PPP2R5C: variants seen among roughly 807,000 people sequenced by gnomAD.
PPP2R5C encodes the protein protein phosphatase 2 regulatory subunit B'gamma.
PPP2R5C carries 7 observed loss-of-function variants against 68.9 expected under a neutral mutation model. That is an observed-to-expected ratio of 0.10 (90% CI 0.06 to 0.19). PPP2R5C has a LOEUF of 0.19. Ranked by LOEUF, PPP2R5C falls within the 10% of genes least tolerant of loss-of-function variation. The probability of loss-of-function intolerance (pLI) is 1.00; values close to 1 mark genes in which losing one functional copy is unlikely to be tolerated. For synonymous variants in PPP2R5C, 210 were observed against 222.2 expected (o/e 0.95, Z 0.49); for missense variants, 348 against 641.3 (o/e 0.54, Z 4.94).
intron 1 of PPP2R5C, among the ~76,000 whole-genome samples, chr14:101,842,127 A>G (rs1295926477): frequency 6.6e-6 from 1 of 152,206 alleles, no homozygotes; most frequent in African/African-American, 2.4e-5. Context: ...TTACCCAAAC[A>G]CTAGAATGTT....
At chr14:101,830,268 T>G (rs762720372) in intron 1 of PPP2R5C, among the ~76,000 whole-genome samples, 2 of 152,246 alleles carry the variant, frequency 1.3e-5, no homozygotes, top group African/African-American at 4.8e-5. Context: ...ATATGAAGTT[T>G]TGTTTCACTG....
Position 101,906,564 on chromosome 14 carries a change from T to C in PPP2R5C, c.1151+35T>C. On this transcript the variant is annotated intron_variant, in intron 10 of 13. Coordinates refer to ENST00000334743, the Ensembl canonical transcript of PPP2R5C. This position sits in a 1 kb window ranked among gnomAD's most constrained non-coding sequence, Gnocchi z 4.0. ...AACTGGCTGCCATCTTTTTCAGTCATTTTAAAATATGGCACGTTTTACTGC... is the reference window on the plus strand; with the variant it reads ...AACTGGCTGCCATCTTTTTCAGTCACTTTAAAATATGGCACGTTTTACTGC... The C allele has an allele frequency of 6.4e-7, 1 of 1,570,894 alleles. No individual in the cohort carries two copies. Among genetic ancestry groups the C allele is most frequent in the Non-Finnish European group, 8.6e-7 (1 of 1,160,750 alleles).
exon 9 of PPP2R5C, chr14:101,901,817 A>G (rs770812715): frequency 7.4e-6 from 12 of 1,614,102 alleles, no homozygotes; most frequent in African/African-American, 1.3e-5. Flanking sequence ...TCATTGAACC[A>G]TCAGAATTTG....
chr14:101,823,454 G>A (rs558786474), intron 1 of PPP2R5C, among the ~76,000 whole-genome samples: 7 of 152,222 alleles, frequency 4.6e-5, no homozygotes, highest in African/African-American at 7.2e-5. Flanking sequence ...CAGTTTACTC[G>A]GAGTAATTCG....
In PPP2R5C at chr14:101,835,786, G is replaced by A. The variant is rs2041050281; in HGVS notation, c.95-20900G>A. Among the ~76,000 whole-genome samples, 1 of 152,244 alleles carries A rather than the reference G, an allele frequency of 6.6e-6. No individual in the cohort carries two copies. The highest frequency in any genetic ancestry group is 2.1e-4 in the South Asian group (1 of 4,834). On this transcript the variant is annotated intron_variant, in intron 1 of 13. Transcript: ENST00000334743. The surrounding 1 kb of genome is among the most constrained non-coding windows in gnomAD (Gnocchi z 5.0). ...TCACGGGGTGCCTCTTGCCCTTGCA[G>A]ATCACCAGGTGCTCCGAGCTGCCCT...
At chr14:101,852,735 G>T (rs913610609) in intron 1 of PPP2R5C, among the ~76,000 whole-genome samples, 10 of 151,964 alleles carry the variant, frequency 6.6e-5, no homozygotes, top group African/African-American at 2.4e-4. Flanking sequence ...GCCTCCCAAA[G>T]CGCTGGGATT....
intron 1 of PPP2R5C, among the ~76,000 whole-genome samples, chr14:101,848,480 G>A (rs1001670992): frequency 3.3e-5 from 5 of 151,776 alleles, no homozygotes; most frequent in Admixed American, 2.0e-4. Flanking sequence ...GCAGTAAGCC[G>A]AGAGCCAAGA....
Position 101,906,251 on chromosome 14 carries a change from G to A in PPP2R5C, c.1024-151G>A, listed in dbSNP as rs1238819121. 2.4e-6 allele frequency: 2 copies of A among 833,736 alleles called. No individual in the cohort carries two copies. Among genetic ancestry groups the A allele is most frequent in the Non-Finnish European group, 3.6e-6 (2 of 555,982 alleles). The allele number at this position is 833,736 out of a possible 1,614,324, so 51.6% of individuals were successfully genotyped here. A position where few individuals can be genotyped will look rare whatever the true frequency, so the allele number is the denominator to read the frequency against. ...TGTTGAAGGCTCTTCAGGGTTACAGGTTACAGTCTAGAATATTTTGAATTT... is the reference window on the plus strand; with the variant it reads ...TGTTGAAGGCTCTTCAGGGTTACAGATTACAGTCTAGAATATTTTGAATTT... On this transcript the variant is annotated intron_variant, in intron 9 of 13. Coordinates refer to ENST00000334743, the Ensembl canonical transcript of PPP2R5C. The surrounding 1 kb of genome is among the most constrained non-coding windows in gnomAD (Gnocchi z 4.0).
intron 3 of PPP2R5C, among the ~76,000 whole-genome samples, chr14:101,787,505 T>C (rs963441350): frequency 2.0e-5 from 3 of 152,098 alleles, no homozygotes; most frequent in African/African-American, 7.2e-5. Context: ...GGCTCATGCC[T>C]GTAATCCCAG....
intron 5 of PPP2R5C, 61 bp from the exon 8 acceptor site, chr14:101,890,175 CA>C: frequency 6.9e-7 from 1 of 1,440,926 alleles, no homozygotes; most frequent in Non-Finnish European, 9.7e-7. Context: ...CCTCCTAGAG[CA>C]TTGTTTTCTT....
chr14:101,924,038 CTT>C (rs1280407267), intron 13 of PPP2R5C, among the ~76,000 whole-genome samples: 1 of 152,194 alleles, frequency 6.6e-6, no homozygotes, highest in Non-Finnish European at 1.5e-5. Flanking sequence ...GGTGAAGAAA[CTT>C]TATCCAGAAA....
In PPP2R5C at chr14:101,784,522, A is replaced by G. The variant is rs535100462; in HGVS notation, c.94-1496A>G. On this transcript the variant is annotated intron_variant, in intron 2 of 14. Coordinates refer to the PPP2R5C transcript ENST00000328724. ...GAGAGAGAGAAAGTGGGGGGGGGGA[A>G]CTGCCAAACACTTGTAAGTCATCAG... Among the ~76,000 whole-genome samples, 58 of 149,622 alleles carry G rather than the reference A, an allele frequency of 3.9e-4. No homozygotes were observed. In the South Asian group the frequency reaches 4.4e-3, roughly 11 times the overall value.
intron 1 of PPP2R5C, among the ~76,000 whole-genome samples, chr14:101,851,012 G>A (rs2476518): frequency 0.23 from 35,187 of 152,150 alleles, 4,171 homozygotes; most frequent in African/African-American, 0.27. Context: ...TGGCACCGTC[G>A]CTAAATGTTG....
At chr14:101,894,963 G>A (rs893737243) in intron 8 of PPP2R5C, among the ~76,000 whole-genome samples, 3 of 152,134 alleles carry the variant, frequency 2.0e-5, no homozygotes, top group African/African-American at 7.2e-5. Context: ...TACTAAAGAG[G>A]CTTTACCGCC....
chr14:101,792,883 CTTT>C (rs373883284), intron 3 of PPP2R5C, among the ~76,000 whole-genome samples: 1 of 129,194 alleles, frequency 7.7e-6, no homozygotes. Flanking sequence ...TTTTTCTTTT[CTTT>C]TTTTTTTTTT....
In PPP2R5C at chr14:101,917,704, C is replaced by A; in HGVS notation, c.1327-127C>A. ...GTTGCAGGTGTAGGCGAGTCTCCCA[C>A]TGAGTGGGCTTCCTGCGGGAGAGGG... On this transcript the variant is annotated intron_variant, in intron 12 of 13. Transcript: ENST00000334743. This position sits in a 1 kb window ranked among gnomAD's most constrained non-coding sequence, Gnocchi z 4.4. 3.0e-6 allele frequency: 4 copies of A among 1,333,298 alleles called. No individual in the cohort carries two copies. The highest frequency in any genetic ancestry group is 2.1e-5 in the Admixed American group (1 of 46,732). 82.6% of individuals were successfully genotyped at this position (1,333,298 alleles called of 1,614,324 possible).
chr14:101,876,983 CTA>C (rs1414293490), intron 2 of PPP2R5C, among the ~76,000 whole-genome samples: 3 of 114,186 alleles, frequency 2.6e-5, no homozygotes, highest in Non-Finnish European at 4.9e-5. Flanking sequence ...GAGTCTCACT[CTA>C]TTGCCCAGGC....
At chr14:101,924,656 T>A (rs2047201434) in intron 13 of PPP2R5C, among the ~76,000 whole-genome samples, 1 of 151,892 alleles carries the variant, frequency 6.6e-6, no homozygotes, top group South Asian at 2.1e-4. Context: ...TTGGTCAGGC[T>A]GATCTTGACC....
chr14:101,844,371 A>T (rs1048273628), intron 1 of PPP2R5C, among the ~76,000 whole-genome samples: 31 of 152,166 alleles, frequency 2.0e-4, no homozygotes, highest in African/African-American at 6.7e-4. Context: ...CAGTTCTGAT[A>T]TCGTGGTTTC....
Sources: allele counts gnomAD v4.1 joint callset (sites outside exome capture counted in the v4.1 genomes callset), GRCh38; gene constraint gnomAD v4.1.1; non-coding constraint Gnocchi (gnomAD v3.1); transcripts MANE v1.5; gene names NCBI Gene and HGNC (gene_info 2026-07-23, HGNC 2026-07-21).